TAPT1: variants seen among roughly 807,000 people sequenced by gnomAD.
The protein encoded by TAPT1 is transmembrane anterior posterior transformation 1.
In TAPT1, 28 loss-of-function variants were observed where a neutral mutation model predicts 65.6. That is an observed-to-expected ratio of 0.43 (90% CI 0.32 to 0.59). TAPT1 has a LOEUF of 0.59. Among genes scored for constraint, TAPT1 ranks in the 20% least tolerant of loss-of-function variants. The pLI is 0.09. For missense variants in TAPT1, 563 were observed against 679.9 expected (o/e 0.83, Z 1.91); for synonymous variants, 278 against 245.2 (o/e 1.13, Z -1.25).
chr4:16,213,974 G>T, intron 1 of TAPT1, 76 bp from the exon 2 acceptor site: 2 of 1,277,892 alleles, frequency 1.6e-6, no homozygotes, highest in Non-Finnish European at 2.1e-6. Context: ...GGGGCCACAG[G>T]TAATATACAT....
intron 3 of TAPT1, among the ~76,000 whole-genome samples, chr4:16,199,508 C>G (rs991142286): frequency 2.0e-5 from 3 of 152,150 alleles, no homozygotes; most frequent in Non-Finnish European, 2.9e-5. Flanking sequence ...GGATCATTAA[C>G]CACTAGTAAA....
chr4:16,190,409 G>C (rs1749299185), intron 4 of TAPT1: 1 of 151,876 alleles, frequency 6.6e-6, no homozygotes, highest in African/African-American at 2.4e-5. Flanking sequence ...GACGATTTCA[G>C]CTCACTACAA....
chr4:16,168,943 G>A (rs1454050858), intron 12 of TAPT1, among the ~76,000 whole-genome samples: 2 of 152,134 alleles, frequency 1.3e-5, no homozygotes, highest in Non-Finnish European at 2.9e-5. Context: ...AACCGGGTGT[G>A]GTGGGGGAAA....
At chr4:16,182,339 G>C (rs1482023881) in intron 7 of TAPT1, among the ~76,000 whole-genome samples, 3 of 152,160 alleles carry the variant, frequency 2.0e-5, no homozygotes, top group African/African-American at 7.2e-5. Flanking sequence ...CTTCAGAATA[G>C]TCAGGGTTCG....
chr4:16,177,821 T>G (rs916474699), intron 8 of TAPT1, among the ~76,000 whole-genome samples: 1 of 43,818 alleles, frequency 2.3e-5, no homozygotes, highest in African/African-American at 2.2e-4. Context: ...CTTTGTTGGT[T>G]TTTTTTTTTA....
At chr4:16,210,937 T>A (rs909911169) in intron 2 of TAPT1, among the ~76,000 whole-genome samples, 4 of 152,122 alleles carry the variant, frequency 2.6e-5, no homozygotes, top group Non-Finnish European at 5.9e-5. Context: ...GTGAAAATAA[T>A]GTGCTAATAA....
rs752147625 is a variant in TAPT1, at chr4:16,163,007, A to G, written c.*301T>C. On this transcript the variant is annotated 3_prime_UTR_variant, in exon 14 of 14. Coordinates refer to ENST00000405303, the MANE Select transcript of TAPT1 (RefSeq NM_153365.3). ...TCTGGAAGCCCAGACTGACAAAGCA[A>G]AACAGATTTTGATGTTGCCTTTGTT... 4 of 500,560 alleles carry G rather than the reference A, an allele frequency of 8.0e-6. No individual in the cohort carries two copies. Among genetic ancestry groups the G allele is most frequent in the African/African-American group, 1.9e-5 (1 of 52,024 alleles). 31.0% of individuals were successfully genotyped at this position (500,560 alleles called of 1,614,324 possible). A position where few individuals can be genotyped will look rare whatever the true frequency, so the allele number is the denominator to read the frequency against.
chr4:16,183,403 T>A (rs1371221022), intron 7 of TAPT1, among the ~76,000 whole-genome samples: 2 of 151,968 alleles, frequency 1.3e-5, no homozygotes, highest in Non-Finnish European at 2.9e-5. Context: ...ATTATATCAT[T>A]TTTTTTCCCA....
chr4:16,166,864 C>G, intron 12 of TAPT1, 71 bp from the exon 13 acceptor site: 2 of 1,485,586 alleles, frequency 1.3e-6, no homozygotes, highest in Non-Finnish European at 1.9e-6. Context: ...CATCTACTAC[C>G]ATGGCTAAGG....
Position 16,192,866 on chromosome 4 carries a change from T to C in TAPT1, c.450-1343A>G, listed in dbSNP as rs532948009. The stretch of plus-strand genomic sequence containing the variant: ...GGTGGGCTCATTTTCTAAATGGCCA[T>C]TGGCCATCTGAGTCACCTATGTATT... On this transcript the variant is annotated intron_variant, in intron 3 of 13. Transcript: ENST00000405303. Among the ~76,000 whole-genome samples the C allele has an allele frequency of 6.6e-5, 10 of 152,332 alleles. No homozygotes were observed. The East Asian group carries it at 1.5e-3, about 23-fold the overall frequency.
At chr4:16,165,631 A>G (rs983528769) in intron 13 of TAPT1, among the ~76,000 whole-genome samples, 4 of 152,142 alleles carry the variant, frequency 2.6e-5, no homozygotes, top group Admixed American at 2.0e-4. Context: ...ACCTCTGTGA[A>G]CAGGGAACTG....
chr4:16,215,053 A>G (rs1750857712), intron 1 of TAPT1, among the ~76,000 whole-genome samples: 1 of 152,164 alleles, frequency 6.6e-6, no homozygotes, highest in Non-Finnish European at 1.5e-5. Flanking sequence ...ACACTTTGGG[A>G]GGCCGAGGTG....
intron 3 of TAPT1, among the ~76,000 whole-genome samples, chr4:16,193,430 CCT>C (rs1749503212): frequency 6.6e-6 from 1 of 152,154 alleles, no homozygotes; most frequent in Admixed American, 6.5e-5. Context: ...CAATGATGTT[CCT>C]CTTTCTCCCA....
intron 9 of TAPT1, 171 bp from the exon 10 acceptor site, chr4:16,174,900 T>C: frequency 5.9e-6 from 3 of 510,888 alleles, no homozygotes; most frequent in Non-Finnish European, 1.0e-5. Context: ...AAAGGTAAAA[T>C]GTAACCTCAA....
rs535710497 is a variant in TAPT1 at position 16,188,411 on chromosome 4, C to G, written c.613-56G>C. On this transcript the variant is annotated intron_variant, in intron 4 of 13. Transcript: ENST00000405303. ...CTTAATATTCCATTTAAATATATAA[C>G]TAAAATTGAGATATAGCTCAAATCC... is the stretch of plus-strand genomic sequence containing the variant. The G allele has an allele frequency of 1.3e-5, 17 of 1,349,594 alleles. No individual in the cohort carries two copies. In the East Asian group the frequency reaches 4.2e-4, roughly 33 times the overall value. The allele number at this position is 1,349,594 out of a possible 1,614,324, so 83.6% of individuals were successfully genotyped here. A position where few individuals can be genotyped will look rare whatever the true frequency, so the allele number is the denominator to read the frequency against.
In TAPT1 at chr4:16,162,961, G is replaced by A; in HGVS notation, c.*347C>T. ...CCAGGTATTTCCTTATACTGAAGAGGCCTTGAGGCAAATTCAACATTCTGG... is the reference window on the plus strand; with the variant it reads ...CCAGGTATTTCCTTATACTGAAGAGACCTTGAGGCAAATTCAACATTCTGG... On this transcript the variant is annotated 3_prime_UTR_variant, in exon 14 of 14. Coordinates refer to ENST00000405303, the MANE Select transcript of TAPT1 (RefSeq NM_153365.3). 1 of 469,302 alleles carries A rather than the reference G, an allele frequency of 2.1e-6. No individual in the cohort carries two copies. Among genetic ancestry groups the A allele is most frequent in the Non-Finnish European group, 4.2e-6 (1 of 235,588 alleles). 29.1% of individuals were successfully genotyped at this position (469,302 alleles called of 1,614,324 possible). A position where few individuals can be genotyped will look rare whatever the true frequency, so the allele number is the denominator to read the frequency against.
rs770420838 is a variant in TAPT1, at chr4:16,163,453, G to T, written c.1559C>A (p.Thr520Lys). The T allele has an allele frequency of 2.5e-6, 4 of 1,613,856 alleles. No individual in the cohort carries two copies. Among genetic ancestry groups the T allele is most frequent in the Non-Finnish European group, 3.4e-6 (4 of 1,179,890 alleles). The change falls in exon 14 of 14, where the codon ACA (threonine) becomes AAA (lysine). Residue 520 changes from threonine (T) to lysine (K), a missense_variant. Coordinates refer to ENST00000405303, the MANE Select transcript of TAPT1 (RefSeq NM_153365.3). ...QKENIIPLLV[T>K]SNSDQFLTTP... is the part of the protein sequence containing the mutation. ...TGTCAAAAACTGATCAGAATTGCTTGTCACAAGTAATGGTATGATATTTTC... is the reference window on the plus strand; with the variant it reads ...TGTCAAAAACTGATCAGAATTGCTTTTCACAAGTAATGGTATGATATTTTC...
At chr4:16,188,847 G>A (rs1293108988) in intron 4 of TAPT1, among the ~76,000 whole-genome samples, 1 of 151,814 alleles carries the variant, frequency 6.6e-6, no homozygotes, top group Non-Finnish European at 1.5e-5. Flanking sequence ...GTGAACCCGA[G>A]AGGTGGAGCT....
intron 2 of TAPT1, among the ~76,000 whole-genome samples, chr4:16,205,118 AG>A (rs1002929932): frequency 3.9e-5 from 6 of 152,362 alleles, no homozygotes; most frequent in Non-Finnish European, 7.3e-5. Context: ...GGAATGAAGC[AG>A]GGTTTCTTCA....
Sources: gnomAD v4.1 joint callset for allele counts (sites outside exome capture counted in the v4.1 genomes callset) on GRCh38, gnomAD v4.1.1 for gene constraint, MANE v1.5 for transcripts, NCBI Gene and HGNC (gene_info 2026-07-23, HGNC 2026-07-21) for gene names.